Variants in FBXL7 observed in about 807,000 individuals in gnomAD.
FBXL7 encodes F-box/LRR-repeat protein 7.
Under a neutral mutation model 38.3 loss-of-function variants are expected in FBXL7, and 12 were observed. The ratio of observed to expected loss-of-function variants is 0.31; its 90% CI spans 0.20 to 0.51. FBXL7 has a LOEUF of 0.51. FBXL7 is among the 20% of genes least tolerant of loss of function. The pLI, the probability that FBXL7 is intolerant of heterozygous loss-of-function variation, is 0.98. For synonymous variants in FBXL7, 297 were observed against 300.9 expected, an observed-to-expected ratio of 0.99 and a Z score of 0.13; for missense variants, 567 against 676.4, an observed-to-expected ratio of 0.84 and a Z score of 1.79.
chr5:15,752,942 A>C (rs942622585), intron 2 of FBXL7, among the ~76,000 whole-genome samples: 2 of 152,098 alleles, frequency 1.3e-5, no homozygotes, highest in African/African-American at 4.8e-5. Context: ...ATTTGTCCTT[A>C]GTTTAATCAA....
In FBXL7 at chr5:15,520,986, G is replaced by A. The variant is rs891292796; in HGVS notation, c.37+20273G>A. Among the ~76,000 whole-genome samples the A allele has an allele frequency of 3.9e-5, 6 of 152,260 alleles. No individual in the cohort carries two copies. The South Asian group carries it at 1.0e-3, about 26-fold the overall frequency. ...GGGACTAACAAGAAGCCCAGGTACC[G>A]AAGGCATGAAAGAGTTTTGCAAAAT... On this transcript the variant is annotated intron_variant, in intron 1 of 3. Coordinates refer to ENST00000504595, the MANE Select transcript of FBXL7 (RefSeq NM_012304.5).
At chr5:15,698,377 A>G (rs1273392915) in intron 2 of FBXL7, among the ~76,000 whole-genome samples, 9 of 152,232 alleles carry the variant, frequency 5.9e-5, no homozygotes. Flanking sequence ...CATGTTGACA[A>G]AAATTTCATT....
chr5:15,783,970 G>C (rs1561125305), intron 2 of FBXL7, among the ~76,000 whole-genome samples: 1 of 152,178 alleles, frequency 6.6e-6, no homozygotes, highest in Non-Finnish European at 1.5e-5. Context: ...TGACTTCTGA[G>C]AGTTTCCTAT....
chr5:15,616,138 T>A (rs961459865), intron 2 of FBXL7, 66 bp downstream of exon 2: 1 of 1,160,976 alleles, frequency 8.6e-7, no homozygotes, highest in Admixed American at 1.8e-5. Flanking sequence ...GGAACAGAAA[T>A]AAAGTGTGGG....
intron 2 of FBXL7, among the ~76,000 whole-genome samples, chr5:15,897,066 G>A (rs550881273): frequency 1.3e-5 from 2 of 152,340 alleles, no homozygotes; most frequent in Admixed American, 6.5e-5. Context: ...CCTGGAAGCA[G>A]AGGTTGCAGT....
At chr5:15,735,437 G>A (rs1030690254) in intron 2 of FBXL7, among the ~76,000 whole-genome samples, 6 of 152,208 alleles carry the variant, frequency 3.9e-5, no homozygotes, top group Non-Finnish European at 7.3e-5. Context: ...AGGTGTGTAA[G>A]CAGTGATGAT....
At chr5:15,555,866 G>A (rs1457090647) in intron 1 of FBXL7, among the ~76,000 whole-genome samples, 1 of 152,014 alleles carries the variant, frequency 6.6e-6, no homozygotes, top group Non-Finnish European at 1.5e-5. Flanking sequence ...CAGAAAGGGA[G>A]ATTCCTTCAT....
intron 1 of FBXL7, among the ~76,000 whole-genome samples, chr5:15,609,824 T>C (rs1487974087): frequency 3.9e-5 from 6 of 152,206 alleles, no homozygotes; most frequent in Non-Finnish European, 5.9e-5. Flanking sequence ...ATCCTTAGCA[T>C]AGGGACTGAG....
chr5:15,890,157 A>G (rs1302701771), intron 2 of FBXL7, among the ~76,000 whole-genome samples: 1 of 152,030 alleles, frequency 6.6e-6, no homozygotes, highest in Non-Finnish European at 1.5e-5. Context: ...GCCAGTTAGG[A>G]ACTGGGCCAC....
rs746092251 is a variant in FBXL7, at chr5:15,720,031, T to C, written c.127+103959T>C. On this transcript the variant is annotated intron_variant, in intron 2 of 3. Transcript: ENST00000504595. ...AAGATCACCAGTTCTGTGCCAGCCATTGGGCTGTGAGCCGAAGTCATTCAA... is the reference window on the plus strand; with the variant it reads ...AAGATCACCAGTTCTGTGCCAGCCACTGGGCTGTGAGCCGAAGTCATTCAA... Among the ~76,000 whole-genome samples the C allele has an allele frequency of 8.7e-5, 13 of 149,154 alleles. 4 individuals carry two copies. Among genetic ancestry groups the C allele is most frequent in the South Asian group, 4.4e-4 (2 of 4,580 alleles).
intron 2 of FBXL7, among the ~76,000 whole-genome samples, chr5:15,723,791 C>T (rs1348839141): frequency 6.6e-6 from 1 of 152,144 alleles, no homozygotes; most frequent in Non-Finnish European, 1.5e-5. Context: ...TTAACAGCCC[C>T]CTATTATAAG....
chr5:15,604,607 G>A (rs1353400248), intron 1 of FBXL7, among the ~76,000 whole-genome samples: 1 of 152,038 alleles, frequency 6.6e-6, no homozygotes. Context: ...CACCTACCTC[G>A]GCCTCCCAAA....
chr5:15,828,957 A>G (rs1403635590), intron 2 of FBXL7, among the ~76,000 whole-genome samples: 1 of 152,210 alleles, frequency 6.6e-6, no homozygotes, highest in African/African-American at 2.4e-5. Flanking sequence ...TCTGGCCTTT[A>G]GGCTATTGGC....
chr5:15,793,440 C>T (rs57021334), intron 2 of FBXL7, among the ~76,000 whole-genome samples: 7 of 152,258 alleles, frequency 4.6e-5, no homozygotes, highest in African/African-American at 1.7e-4. Flanking sequence ...CCTCTGATGT[C>T]TCTTATAAGG....
chr5:15,507,512 C>T (rs1193113022), intron 1 of FBXL7, among the ~76,000 whole-genome samples: 1 of 152,152 alleles, frequency 6.6e-6, no homozygotes, highest in Non-Finnish European at 1.5e-5. Context: ...TGTCCTAAGG[C>T]CATATCCACT....
chr5:15,759,154 G>A (rs1335104757), intron 2 of FBXL7, among the ~76,000 whole-genome samples: 1 of 152,196 alleles, frequency 6.6e-6, no homozygotes, highest in Non-Finnish European at 1.5e-5. Flanking sequence ...TTTAGTAGCA[G>A]TTCATTCCTT....
chr5:15,645,065 C>T, intron 2 of FBXL7, among the ~76,000 whole-genome samples: 1 of 152,204 alleles, frequency 6.6e-6, no homozygotes, highest in East Asian at 1.9e-4. Flanking sequence ...GTTTTAACCA[C>T]AATCTGGACA....
intron 2 of FBXL7, among the ~76,000 whole-genome samples, chr5:15,738,676 C>T (rs1364773747): frequency 1.3e-5 from 2 of 152,186 alleles, no homozygotes; most frequent in South Asian, 2.1e-4. Flanking sequence ...CTGTGTGGTA[C>T]CATCTTAGGG....
At chr5:15,756,971 G>A (rs1736314870) in intron 2 of FBXL7, among the ~76,000 whole-genome samples, 1 of 152,168 alleles carries the variant, frequency 6.6e-6, no homozygotes, top group African/African-American at 2.4e-5. Flanking sequence ...AGTTTGAACG[G>A]AAGAGTAAAT....
Sources: allele counts gnomAD v4.1 joint callset (sites outside exome capture counted in the v4.1 genomes callset), GRCh38; gene constraint gnomAD v4.1.1; transcripts MANE v1.5; gene names NCBI Gene and HGNC (gene_info 2026-07-23, HGNC 2026-07-21).